The following LPP variants were observed in gnomAD, a reference collection of about 807,000 sequenced individuals.
LPP encodes lipoma-preferred partner.
In LPP, 38 loss-of-function variants were observed where a neutral mutation model predicts 60.4. The ratio of observed to expected loss-of-function variants is 0.63; its 90% CI spans 0.49 to 0.83. The LOEUF is 0.83. Among genes scored for constraint, LPP ranks in the 40% least tolerant of loss-of-function variants. The probability of loss-of-function intolerance (pLI) is 0.00; values close to 1 mark genes in which losing one functional copy is unlikely to be tolerated. For synonymous variants in LPP, 328 were observed against 290.8 expected (o/e 1.13, Z -1.30); for missense variants, 902 against 783.6 (o/e 1.15, Z -1.80).
rs1475313643 is a variant in LPP at position 188,515,167 on chromosome 3, GA to G, written c.307-9497del. ...GTGTTTGAAGTGGGGCCTAATGGGA[GA>G]TACTCGATCACAGAGGTGAATCTCT... is the stretch of plus-strand genomic sequence containing the variant. On this transcript the variant is annotated intron_variant, in intron 5 of 11. Transcript: ENST00000617246. 3.9e-5 allele frequency among the ~76,000 whole-genome samples: 6 copies of G among 152,246 alleles called. No homozygotes were observed. The East Asian group carries it at 1.2e-3, about 29-fold the overall frequency.
intron 9 of LPP, among the ~76,000 whole-genome samples, chr3:188,839,430 C>A (rs561725132): frequency 6.6e-6 from 1 of 152,304 alleles, no homozygotes; most frequent in South Asian, 2.1e-4. Context: ...ACATTTTGCT[C>A]ATCACTTGTA....
At chr3:188,243,456 T>A (rs1006584023) in intron 2 of LPP, among the ~76,000 whole-genome samples, 2 of 152,076 alleles carry the variant, frequency 1.3e-5, no homozygotes, top group Non-Finnish European at 2.9e-5. Flanking sequence ...GGGCTTGGGG[T>A]GGTGTCTCAG....
intron 8 of LPP, among the ~76,000 whole-genome samples, chr3:188,742,089 A>T (rs966544061): frequency 2.0e-5 from 3 of 152,104 alleles, no homozygotes; most frequent in Non-Finnish European, 2.9e-5. Context: ...GAAACAAAAT[A>T]AAACTCTGTA....
At chr3:188,868,664 T>C (rs1295261318) in intron 10 of LPP, among the ~76,000 whole-genome samples, 1 of 152,158 alleles carries the variant, frequency 6.6e-6, no homozygotes, top group African/African-American at 2.4e-5. Flanking sequence ...CAGCTAAAAG[T>C]CCAGCATAGG....
intron 7 of LPP, among the ~76,000 whole-genome samples, chr3:188,629,841 A>C (rs1468070102): frequency 6.6e-6 from 1 of 152,122 alleles, no homozygotes; most frequent in Admixed American, 6.6e-5. Flanking sequence ...AAACTGCAAG[A>C]CTGCAGTAAC....
intron 2 of LPP, among the ~76,000 whole-genome samples, chr3:188,287,696 A>C (rs566889019): frequency 3.5e-4 from 54 of 152,314 alleles, no homozygotes; most frequent in Non-Finnish European, 6.2e-4. Flanking sequence ...ATGGCCAATA[A>C]GTTCTTTTTT....
intron 4 of LPP, among the ~76,000 whole-genome samples, chr3:188,435,068 C>T (rs1187964953): frequency 2.6e-5 from 4 of 152,096 alleles, no homozygotes; most frequent in African/African-American, 9.7e-5. Flanking sequence ...TTGTTAAACA[C>T]TACAGGTAGG....
intron 1 of LPP, among the ~76,000 whole-genome samples, chr3:188,212,387 T>C (rs1439825887): frequency 2.0e-5 from 3 of 152,198 alleles, no homozygotes; most frequent in Admixed American, 2.0e-4. Context: ...AATAGGACAG[T>C]GTATGGAAGG....
At chr3:188,303,031 T>C (rs1206050446) in intron 2 of LPP, among the ~76,000 whole-genome samples, 2 of 152,218 alleles carry the variant, frequency 1.3e-5, no homozygotes, top group South Asian at 2.1e-4. Flanking sequence ...TCTTTAAGCA[T>C]GTATTAACTG....
chr3:188,830,122 C>T (rs911330961), intron 9 of LPP, among the ~76,000 whole-genome samples: 2 of 151,578 alleles, frequency 1.3e-5, no homozygotes, highest in Non-Finnish European at 2.9e-5. Flanking sequence ...TGGCTGATGG[C>T]GTCCCTGTGT....
rs576776477 is a variant in LPP at position 188,741,243 on chromosome 3, T to TG, written c.1241-18862dup. Among the ~76,000 whole-genome samples the TG allele has an allele frequency of 4.1e-3, 625 of 151,216 alleles. 6 individuals carry two copies. Among genetic ancestry groups the TG allele is most frequent in the African/African-American group, 0.014 (584 of 41,252 alleles). On this transcript the variant is annotated intron_variant, in intron 8 of 11. Coordinates refer to ENST00000617246, the MANE Select transcript of LPP (RefSeq NM_001375462.1). ...CCGAGGTTCAAAGTTTCCTTTGAAT[T>TG]GGGGGGGGAAGGGAGATTCTGTAAT...
At chr3:188,637,315 T>C (rs1308668091) in intron 7 of LPP, among the ~76,000 whole-genome samples, 2 of 152,022 alleles carry the variant, frequency 1.3e-5, no homozygotes, top group Non-Finnish European at 2.9e-5. Context: ...TTGAAACCAA[T>C]GAGAACAAAG....
At chr3:188,307,556 A>G (rs978194288) in intron 2 of LPP, among the ~76,000 whole-genome samples, 1 of 152,190 alleles carries the variant, frequency 6.6e-6, no homozygotes, top group Admixed American at 6.5e-5. Flanking sequence ...TTACCTGTTT[A>G]TGAATTTTCT....
At chr3:188,499,235 T>C (rs1298427368) in intron 5 of LPP, among the ~76,000 whole-genome samples, 1 of 152,244 alleles carries the variant, frequency 6.6e-6, no homozygotes, top group Admixed American at 6.5e-5. Context: ...CTTTTGCATA[T>C]GTTTTATTCT....
At chr3:188,570,986 A>G (rs550436758) in intron 6 of LPP, among the ~76,000 whole-genome samples, 1 of 152,284 alleles carries the variant, frequency 6.6e-6, no homozygotes, top group African/African-American at 2.4e-5. Context: ...TACTCATTTG[A>G]TAAGTGTATA....
At chr3:188,251,120 TC>T (rs1340095714) in intron 2 of LPP, among the ~76,000 whole-genome samples, 1 of 147,728 alleles carries the variant, frequency 6.8e-6, no homozygotes, top group Non-Finnish European at 1.5e-5. Context: ...TCTATTTTCC[TC>T]TTTCTTTCTT....
intron 9 of LPP, among the ~76,000 whole-genome samples, chr3:188,858,951 T>C (rs975833629): frequency 1.3e-5 from 2 of 151,498 alleles, no homozygotes; most frequent in Admixed American, 1.3e-4. Flanking sequence ...TAGCTGGGTG[T>C]GGTGGTGTGT....
chr3:188,157,464 G>A (rs1320254464), intron 1 of LPP, among the ~76,000 whole-genome samples: 1 of 152,054 alleles, frequency 6.6e-6, no homozygotes, highest in Non-Finnish European at 1.5e-5. Flanking sequence ...TTTTGTACAC[G>A]GGTAGAGTGT....
chr3:188,606,576 G>T (rs1475833181), intron 6 of LPP, among the ~76,000 whole-genome samples: 1 of 151,938 alleles, frequency 6.6e-6, no homozygotes, highest in Non-Finnish European at 1.5e-5. Flanking sequence ...TGGTGGAGGG[G>T]CTTTACCTTT....
Sources: gnomAD v4.1 joint callset for allele counts (sites outside exome capture counted in the v4.1 genomes callset) on GRCh38, gnomAD v4.1.1 for gene constraint, MANE v1.5 for transcripts, NCBI Gene and HGNC (gene_info 2026-07-23, HGNC 2026-07-21) for gene names.